STARD8: variants seen among roughly 807,000 people sequenced by gnomAD.
STARD8 encodes StAR related lipid transfer domain containing 8.
In STARD8, 25 loss-of-function variants were observed where a neutral mutation model predicts 69.4. That is an observed-to-expected ratio of 0.36 (90% CI 0.26 to 0.50). The LOEUF is 0.50. Among genes scored for constraint, STARD8 ranks in the 20% least tolerant of loss-of-function variants. The pLI is 0.96. For synonymous variants in STARD8, 389 were observed against 374.6 expected (o/e 1.04, Z -0.45); for missense variants, 921 against 932.5 (o/e 0.99, Z 0.16).
rs2147934249 is a variant in STARD8, at chrX:68,717,951, G to T, written c.1037G>T (p.Gly346Val). The T allele has an allele frequency of 8.3e-7, 1 of 1,208,173 alleles. No individual in the cohort carries two copies. The highest frequency in any genetic ancestry group is 2.2e-5 in the Admixed American group (1 of 45,728). Residue 346 changes from glycine (G) to valine (V), a missense_variant, in exon 6 of 15, where the codon GGC becomes GTC. Coordinates refer to ENST00000374599, the MANE Select transcript of STARD8 (RefSeq NM_001142503.3). ...WGCEGRRGSCGSTGSHASTYD... is the reference protein window; with the variant it reads ...WGCEGRRGSCVSTGSHASTYD... ...TGTGAGGGGCGCCGGGGCTCCTGTG[G>T]CTCAACGGGCAGCCATGCCAGCACG...
At chrX:68,660,514 C>G (rs1020765105) in intron 1 of STARD8, among the ~76,000 whole-genome samples, 2 of 111,724 alleles carry the variant, frequency 1.8e-5, no homozygotes, top group African/African-American at 6.5e-5. Flanking sequence ...AAAAGTGGCA[C>G]CGTGACACCA....
At chrX:68,715,848 T>G (rs748828867) in intron 4 of STARD8, among the ~76,000 whole-genome samples, 1 of 112,170 alleles carries the variant, frequency 8.9e-6, no homozygotes, top group Non-Finnish European at 1.9e-5. Flanking sequence ...CTGCTTAAAA[T>G]GTGTCACTGC....
intron 2 of STARD8, among the ~76,000 whole-genome samples, chrX:68,667,973 G>A (rs1349212465): frequency 9.0e-6 from 1 of 111,372 alleles, no homozygotes; most frequent in East Asian, 2.9e-4. Context: ...GGACCAGCCA[G>A]GGACTTTTTA....
At chrX:68,712,099 G>C (rs1310510462) in intron 2 of STARD8, among the ~76,000 whole-genome samples, 1 of 112,572 alleles carries the variant, frequency 8.9e-6, no homozygotes, top group African/African-American at 3.2e-5. Context: ...TCAGCTCTGT[G>C]CCAGAACTCC....
chrX:68,688,611 C>T (rs773141676), intron 2 of STARD8, among the ~76,000 whole-genome samples: 89 of 111,862 alleles, frequency 8.0e-4, no homozygotes, highest in African/African-American at 2.8e-3. Flanking sequence ...GGAAAGGATC[C>T]CAGACAAGGA....
intron 3 of STARD8, among the ~76,000 whole-genome samples, chrX:68,713,588 C>CCACT (rs1289792171): frequency 9.0e-6 from 1 of 111,308 alleles, no homozygotes; most frequent in African/African-American, 3.3e-5. Context: ...GTGCCACTGG[C>CCACT]CACTCCTTCC....
chrX:68,692,131 A>C (rs2079881078), intron 2 of STARD8, among the ~76,000 whole-genome samples: 1 of 112,138 alleles, frequency 8.9e-6, no homozygotes, highest in African/African-American at 3.2e-5. Flanking sequence ...GTTAAAGCCC[A>C]GCCTCAGGAA....
intron 11 of STARD8, 84 bp from the exon 12 acceptor site, chrX:68,722,338 C>A: frequency 1.1e-6 from 1 of 945,102 alleles, no homozygotes; most frequent in Admixed American, 3.0e-5. Context: ...TGCACCTCTC[C>A]ACTGCCCTTA....
At chrX:68,648,071 A>C in intron 1 of STARD8, 144 bp downstream of exon 1, 2 of 711,954 alleles carry the variant, frequency 2.8e-6, no homozygotes, top group Non-Finnish European at 4.1e-6. Flanking sequence ...GCTTGGGTTC[A>C]AGTCTCACCT....
chrX:68,721,395 C>A, intron 9 of STARD8, 141 bp from the exon 10 acceptor site: 1 of 633,253 alleles, frequency 1.6e-6, no homozygotes, highest in Non-Finnish European at 2.4e-6. Flanking sequence ...CACCCAGAGA[C>A]CTCACAGAAC....
intron 2 of STARD8, among the ~76,000 whole-genome samples, chrX:68,684,251 G>A (rs1347454584): frequency 8.9e-6 from 1 of 112,677 alleles, no homozygotes; most frequent in Non-Finnish European, 1.9e-5. Flanking sequence ...CTGGAGTGGG[G>A]AGGTGGTGGG....
rs1355530161 is a variant in STARD8 at position 68,653,684 on chromosome X, ACACACACACCACACCACACATACAC to A, written c.45+5778_45+5802del. Reference sequence around the variant, plus strand: ...CATACACCCCCCAACACACCACACCACACACACACCACACCACACATACACCACACACACCACACCACACACACAC... The same window carrying A: ...CATACACCCCCCAACACACCACACCACACACACACCACACCACACACACAC... On this transcript the variant is annotated intron_variant, in intron 1 of 14. Transcript: ENST00000374599. Among the ~76,000 whole-genome samples the A allele has an allele frequency of 3.8e-5, 3 of 78,168 alleles. No individual in the cohort carries two copies. The East Asian group carries it at 1.3e-3, about 35-fold the overall frequency. 67.9% of individuals were successfully genotyped at this position (78,168 alleles called of 115,157 possible).
chrX:68,665,394 G>A (rs2079676835), intron 1 of STARD8, 105 bp from the exon 2 acceptor site: 11 of 925,701 alleles, frequency 1.2e-5, no homozygotes, highest in Admixed American at 2.7e-5. Context: ...GTGTCTTTCT[G>A]TAAAATGGGT....
intron 2 of STARD8, among the ~76,000 whole-genome samples, chrX:68,668,109 C>CTT (rs1187232698): frequency 1.3e-4 from 12 of 92,312 alleles, no homozygotes; most frequent in Admixed American, 9.7e-4. Context: ...TTCTTTCTTT[C>CTT]TTTCTGTCTT....
At chrX:68,683,040 T>C (rs1264344946) in intron 2 of STARD8, among the ~76,000 whole-genome samples, 1 of 112,562 alleles carries the variant, frequency 8.9e-6, no homozygotes, top group East Asian at 2.8e-4. Flanking sequence ...TTGCCAAATC[T>C]GAACGCTGGA....
rs185380525 is a variant in STARD8, at chrX:68,659,158, G to A, written c.46-6341G>A. 2.5e-3 allele frequency among the ~76,000 whole-genome samples: 282 copies of A among 112,161 alleles called. 2 individuals carry two copies. The highest frequency in any genetic ancestry group is 8.7e-3 in the African/African-American group (270 of 30,883). On this transcript the variant is annotated intron_variant, in intron 1 of 14. Transcript: ENST00000374599. ...GGAGAATATTCCCCACTTCATAATT[G>A]ATTGTGATGATGACCTATGTGAAAA... is the stretch of plus-strand genomic sequence containing the variant.
At chrX:68,648,288 T>C (rs1372246932) in intron 1 of STARD8, among the ~76,000 whole-genome samples, 1 of 112,287 alleles carries the variant, frequency 8.9e-6, no homozygotes, top group African/African-American at 3.2e-5. Context: ...GAGGTTGGTG[T>C]TATTGTTTAC....
At chrX:68,653,253 A>G (rs1280682151) in intron 1 of STARD8, among the ~76,000 whole-genome samples, 1 of 25,462 alleles carries the variant, frequency 3.9e-5, no homozygotes, top group Non-Finnish European at 7.2e-5. Flanking sequence ...CACCACACAT[A>G]CACCACACAC....
At chrX:68,704,588 T>A (rs2079991362) in intron 2 of STARD8, among the ~76,000 whole-genome samples, 1 of 111,297 alleles carries the variant, frequency 9.0e-6, no homozygotes, top group African/African-American at 3.3e-5. Flanking sequence ...GTTGGTAGAA[T>A]TTGGTGCCTA....
Sources: allele counts gnomAD v4.1 joint callset (sites outside exome capture counted in the v4.1 genomes callset), GRCh38; gene constraint gnomAD v4.1.1; transcripts MANE v1.5; gene names NCBI Gene and HGNC (gene_info 2026-07-23, HGNC 2026-07-21).